The following EPHA3 variants were observed in gnomAD, a reference collection of about 807,000 sequenced individuals.
The protein encoded by EPHA3 is ephrin type-A receptor 3.
A neutral mutation model predicts 107.1 loss-of-function variants in EPHA3; 42 were observed. The observed-to-expected ratio is 0.39, with a 90% confidence interval of 0.31 to 0.51. EPHA3 has a LOEUF of 0.51. Among genes scored for constraint, EPHA3 ranks in the 20% least tolerant of loss-of-function variants. The probability of loss-of-function intolerance (pLI) is 0.78; values close to 1 mark genes in which losing one functional copy is unlikely to be tolerated. For missense variants in EPHA3, 1,183 were observed against 1,211.2 expected (o/e 0.98, Z 0.35); for synonymous variants, 461 against 424.8 (o/e 1.09, Z -1.05).
rs114949587 is a variant in EPHA3, at chr3:89,308,967, G to A, written c.815-31949G>A. 7.6e-3 allele frequency among the ~76,000 whole-genome samples: 1,157 copies of A among 152,218 alleles called. 12 individuals carry two copies. The highest frequency in any genetic ancestry group is 0.026 in the African/African-American group (1,094 of 41,558). On this transcript the variant is annotated intron_variant, in intron 3 of 16. Transcript: ENST00000336596. ...TTCTTCCTAACTACAGCATCTGGGA[G>A]GCAAACAGAGGAAGATTCTGAGAAG...
chr3:89,355,781 T>G lies in EPHA3; in HGVS notation c.1306+13691T>G, dbSNP rs866530197. Among the ~76,000 whole-genome samples, 21 of 150,118 alleles carry G rather than the reference T, an allele frequency of 1.4e-4. 1 individual carries two copies. Among genetic ancestry groups the G allele is most frequent in the African/African-American group, 4.8e-4 (20 of 41,326 alleles). On this transcript the variant is annotated intron_variant, in intron 5 of 16. Transcript: ENST00000336596. ...CAGATCTTCCCGTGTCTGGGGGAAA[T>G]AGAAACTCTTTTTTTTTTAATTAAA...
intron 5 of EPHA3, among the ~76,000 whole-genome samples, chr3:89,377,368 T>C (rs545206785): frequency 6.6e-6 from 1 of 152,248 alleles, no homozygotes; most frequent in Non-Finnish European, 1.5e-5. Context: ...ACATCTGGTC[T>C]TACTGAACTC....
At chr3:89,413,853 T>A (rs1709199627) in intron 10 of EPHA3, among the ~76,000 whole-genome samples, 1 of 151,710 alleles carries the variant, frequency 6.6e-6, no homozygotes, top group African/African-American at 2.4e-5. Flanking sequence ...TTGTTAACAA[T>A]CACCTATTAA....
intron 2 of EPHA3, among the ~76,000 whole-genome samples, chr3:89,176,903 AT>A (rs1705331228): frequency 2.0e-5 from 3 of 152,246 alleles, no homozygotes; most frequent in African/African-American, 7.2e-5. Flanking sequence ...ACATGCAGAT[AT>A]TTTTCTTAAT....
chr3:89,352,919 A>AAAAAAAAAAAAAAAAAAAAAAAAAAC (rs1707863215), intron 5 of EPHA3, among the ~76,000 whole-genome samples: 1 of 149,722 alleles, frequency 6.7e-6, no homozygotes, highest in African/African-American at 2.4e-5. Flanking sequence ...AAAAAAAAAA[A>AAAAAAAAAAAAAAAAAAAAAAAAAAC]AAAAGGAAAA....
intron 2 of EPHA3, among the ~76,000 whole-genome samples, chr3:89,174,020 T>C (rs1293378149): frequency 7.2e-5 from 11 of 151,944 alleles, no homozygotes; most frequent in African/African-American, 2.4e-4. Flanking sequence ...TTGATATTGG[T>C]GGTAGAAGCA....
At chr3:89,260,007 A>G (rs1439342606) in intron 3 of EPHA3, among the ~76,000 whole-genome samples, 1 of 152,170 alleles carries the variant, frequency 6.6e-6, no homozygotes, top group Non-Finnish European at 1.5e-5. Flanking sequence ...TTCTTTTTCA[A>G]AGGCTAAGTA....
At chr3:89,134,565 G>T (rs1704274303) in intron 2 of EPHA3, among the ~76,000 whole-genome samples, 1 of 152,140 alleles carries the variant, frequency 6.6e-6, no homozygotes, top group African/African-American at 2.4e-5. Context: ...TTTTATGGCT[G>T]CATAGTATTC....
intron 3 of EPHA3, among the ~76,000 whole-genome samples, chr3:89,307,192 G>A (rs1396245571): frequency 2.0e-5 from 3 of 152,048 alleles, no homozygotes; most frequent in Non-Finnish European, 4.4e-5. Flanking sequence ...GCATAACCAT[G>A]GAAACCAAGA....
chr3:89,365,602 T>C (rs1708171387), intron 5 of EPHA3, among the ~76,000 whole-genome samples: 1 of 150,692 alleles, frequency 6.6e-6, no homozygotes, highest in Non-Finnish European at 1.5e-5. Flanking sequence ...TAGTACTCAG[T>C]TCTGTGTCAA....
intron 3 of EPHA3, among the ~76,000 whole-genome samples, chr3:89,321,284 TG>T (rs1707038743): frequency 6.6e-6 from 1 of 152,048 alleles, no homozygotes; most frequent in African/African-American, 2.4e-5. Flanking sequence ...TAGTTCTTAA[TG>T]TAAGACACTA....
At chr3:89,205,708 G>A (rs1706084859) in intron 2 of EPHA3, among the ~76,000 whole-genome samples, 1 of 151,952 alleles carries the variant, frequency 6.6e-6, no homozygotes, top group Non-Finnish European at 1.5e-5. Flanking sequence ...TGTTACTGGT[G>A]GATACCAATC....
chr3:89,168,385 A>AT (rs573590145), intron 2 of EPHA3, among the ~76,000 whole-genome samples: 17 of 152,112 alleles, frequency 1.1e-4, no homozygotes, highest in South Asian at 2.1e-4. Context: ...ATTTTTTGTG[A>AT]TTTTTTATAG....
chr3:89,395,814 C>T (rs1708838345), intron 5 of EPHA3, 23 bp from the exon 6 acceptor site: 4 of 1,612,414 alleles, frequency 2.5e-6, no homozygotes, highest in Non-Finnish European at 3.4e-6. Context: ...CTTCCACCTT[C>T]CCCTCCCATC....
chr3:89,231,809 G>A (rs1559611630), intron 3 of EPHA3, among the ~76,000 whole-genome samples: 1 of 152,160 alleles, frequency 6.6e-6, no homozygotes. Flanking sequence ...TGACATGGGA[G>A]TCTTCAGAAA....
rs945818883 is a variant in EPHA3 at position 89,480,141 on chromosome 3, A to G, written c.*639A>G. ...TAATTTTTGAAAAAAGTACATATTT[A>G]TTTTCTTTTGAATTGTTTTTATTGT... On this transcript the variant is annotated 3_prime_UTR_variant, in exon 17 of 17. Transcript: ENST00000336596. 8.6e-6 allele frequency: 2 copies of G among 232,686 alleles called. No individual in the cohort carries two copies. Among genetic ancestry groups the G allele is most frequent in the African/African-American group, 4.4e-5 (2 of 45,244 alleles). 14.4% of individuals were successfully genotyped at this position (232,686 alleles called of 1,614,324 possible). A position where few individuals can be genotyped will look rare whatever the true frequency, so the allele number is the denominator to read the frequency against.
chr3:89,215,968 C>A (rs1413059075), intron 3 of EPHA3, among the ~76,000 whole-genome samples: 1 of 151,832 alleles, frequency 6.6e-6, no homozygotes, highest in Non-Finnish European at 1.5e-5. Context: ...TGTGGGGTAT[C>A]TGCTTTATAG....
chr3:89,352,902 C>CAAA lies in EPHA3; in HGVS notation c.1306+10831_1306+10833dup, dbSNP rs1215369952. ...TGGGCGACAGAGCAAGACTCTGTCTCAAAAAAAAAAAAAAAAAAAAAGGAA... is the reference window on the plus strand; with the variant it reads ...TGGGCGACAGAGCAAGACTCTGTCTCAAAAAAAAAAAAAAAAAAAAAAAAGGAA... On this transcript the variant is annotated intron_variant, in intron 5 of 16. Coordinates refer to ENST00000336596, the MANE Select transcript of EPHA3 (RefSeq NM_005233.6). Among the ~76,000 whole-genome samples, 22 of 40,954 alleles carry CAAA rather than the reference C, an allele frequency of 5.4e-4. 1 individual carries two copies. The highest frequency in any genetic ancestry group is 2.0e-3 in the African/African-American group (20 of 10,174). 26.9% of individuals were successfully genotyped at this position (40,954 alleles called of 152,430 possible).
chr3:89,459,983 TTATAA>T (rs551048671), intron 15 of EPHA3, among the ~76,000 whole-genome samples: 13 of 152,324 alleles, frequency 8.5e-5, no homozygotes, highest in East Asian at 5.8e-4. Flanking sequence ...TTTTGAAAGA[TTATAA>T]TATAACTTCT....
Sources: allele counts gnomAD v4.1 joint callset (sites outside exome capture counted in the v4.1 genomes callset), GRCh38; gene constraint gnomAD v4.1.1; transcripts MANE v1.5; gene names NCBI Gene and HGNC (gene_info 2026-07-23, HGNC 2026-07-21).